Variants in A4GALT observed in about 807,000 individuals in gnomAD.
A4GALT encodes alpha 1,4-galactosyltransferase (P1PK blood group).
For missense variants in A4GALT, 512 were observed against 486.0 expected (o/e 1.05, Z -0.50); for synonymous variants, 257 against 220.7 (o/e 1.16, Z -1.46).
At position 42,701,267 on chromosome 22, in the gene A4GALT, T is replaced by C. The variant is rs58866508; in HGVS notation, c.-187-5636A>G. Among the ~76,000 whole-genome samples the C allele has an allele frequency of 3.1e-3, 473 of 152,214 alleles. 10 individuals are homozygous for C. In the East Asian group the frequency reaches 0.083, roughly 27 times the overall value. Reference sequence around the variant, plus strand: ...CCACGTGCCCACAAGACAGGCCACCTCTCTGAACCTGTCTGTGGACAGGGG... The same window carrying C: ...CCACGTGCCCACAAGACAGGCCACCCCTCTGAACCTGTCTGTGGACAGGGG... On this transcript the variant is annotated intron_variant, in intron 1 of 2. Transcript: ENST00000642412.
chr22:42,693,295 C>T lies in A4GALT; in HGVS notation c.657G>A (p.Ala219=), dbSNP rs1421501077. The T allele has an allele frequency of 3.1e-6, 5 of 1,613,086 alleles. No individual in the cohort carries two copies. Among genetic ancestry groups the T allele is most frequent in the South Asian group, 1.1e-5 (1 of 91,088 alleles). The part of the protein sequence containing the change: ...GTQSRYVLNG[A]FLAFERRHEF... ...CGTGCCGGCGCTCGAAGGCCAGGAA[C>T]GCGCCGTTGAGGACGTAGCGGGACT... The change falls in exon 3 of 3, where the codon GCG becomes GCA. Residue 219 remains alanine, a synonymous_variant. Coordinates refer to ENST00000642412, the MANE Select transcript of A4GALT (RefSeq NM_017436.7).
rs779059446 is a variant in A4GALT, at chr22:42,692,437, G to A, written c.*453C>T. The A allele has an allele frequency of 1.1e-4, 33 of 303,022 alleles. No homozygotes were observed. The highest frequency in any genetic ancestry group is 1.2e-3 in the Middle Eastern group (1 of 862). 18.8% of individuals were successfully genotyped at this position (303,022 alleles called of 1,614,324 possible). On this transcript the variant is annotated 3_prime_UTR_variant, in exon 3 of 3. Transcript: ENST00000642412. This position sits in a 1 kb window ranked among gnomAD's most constrained non-coding sequence, Gnocchi z 4.6. ...ACCAGAAAAGAACAAAGCATCCTCC[G>A]CCCCGGACCCTTGGGGCTGGGTCTC...
At chr22:42,701,807 C>T (rs1325341975) in intron 1 of A4GALT, among the ~76,000 whole-genome samples, 1 of 152,094 alleles carries the variant, frequency 6.6e-6, no homozygotes, top group African/African-American at 2.4e-5. Context: ...AGGTGTGAGC[C>T]AGGAACCGTC....
chr22:42,693,079 G>A lies in A4GALT; in HGVS notation c.873C>T (p.Asp291=). 1 of 1,612,370 alleles carries A rather than the reference G, an allele frequency of 6.2e-7. No homozygotes were observed. Among genetic ancestry groups the A allele is most frequent in the South Asian group, 1.1e-5 (1 of 90,986 alleles). ...TGATGTCCTCAAAGTACTTCTTCCA[G>A]TCCTGCCAGGGGATGGGGTAGAAGG... The part of the protein sequence containing the change: ...PEAFYPIPWQ[D]WKKYFEDINP... The change falls in exon 3 of 3, where the codon GAC becomes GAT. Residue 291 remains aspartate, a synonymous_variant. Coordinates refer to ENST00000642412, the MANE Select transcript of A4GALT (RefSeq NM_017436.7).
intron 1 of A4GALT, among the ~76,000 whole-genome samples, chr22:42,717,297 C>G (rs1922273082): frequency 6.6e-6 from 1 of 152,162 alleles, no homozygotes; most frequent in Admixed American, 6.5e-5. Context: ...ATGTGGACAG[C>G]CTGCTTTGAA....
chr22:42,704,714 C>T (rs1431444516), intron 1 of A4GALT, among the ~76,000 whole-genome samples: 2 of 151,932 alleles, frequency 1.3e-5, no homozygotes, highest in Non-Finnish European at 2.9e-5. Flanking sequence ...AGGAATAAGG[C>T]AGCAGCTTAG....
intron 1 of A4GALT, among the ~76,000 whole-genome samples, chr22:42,707,228 C>G (rs989771146): frequency 1.3e-5 from 2 of 151,846 alleles, no homozygotes; most frequent in Non-Finnish European, 2.9e-5. Context: ...ATATTCAGTC[C>G]AAAGAAAATG....
At position 42,694,009 on chromosome 22, in the gene A4GALT, G is replaced by T; in HGVS notation, c.-46-12C>A. On this transcript the variant is annotated splice_polypyrimidine_tract_variant and intron_variant, in intron 2 of 2. Coordinates refer to ENST00000642412, the MANE Select transcript of A4GALT (RefSeq NM_017436.7). ...AGGAACCGGCTGGTCTGCAAGAGAT[G>T]AGCACCCGCCATCAGGGAGGCCGTT... 1.4e-6 allele frequency: 2 copies of T among 1,455,652 alleles called. No homozygotes were observed. Among genetic ancestry groups the T allele is most frequent in the South Asian group, 2.4e-5 (2 of 82,226 alleles). 90.2% of individuals were successfully genotyped at this position (1,455,652 alleles called of 1,614,324 possible). A position where few individuals can be genotyped will look rare whatever the true frequency, so the allele number is the denominator to read the frequency against.
intron 2 of A4GALT, 156 bp downstream of exon 2, chr22:42,695,335 A>G (rs130394): frequency 0.74 from 112,769 of 152,134 alleles, 42,786 homozygotes; most frequent in African/African-American, 0.91. Flanking sequence ...AAGGGGAGCT[A>G]AGAGTCGGTC....
chr22:42,711,084 T>A (rs1921650773), intron 1 of A4GALT, among the ~76,000 whole-genome samples: 1 of 149,238 alleles, frequency 6.7e-6, no homozygotes, highest in Admixed American at 6.7e-5. Flanking sequence ...ATCACATAAG[T>A]CGAATTTTTC....
chr22:42,705,242 A>C (rs1920983058), intron 1 of A4GALT, among the ~76,000 whole-genome samples: 1 of 152,182 alleles, frequency 6.6e-6, no homozygotes, highest in Non-Finnish European at 1.5e-5. Flanking sequence ...AAAGGCATAA[A>C]ACAAAATGGA....
At position 42,692,793 on chromosome 22, in the gene A4GALT, C is replaced by G; in HGVS notation, c.*97G>C. ...AGCCTGCCTAAGCCCGGTGGCAGCT[C>G]GGGCCTCCCTCTCCCGGGCCCTCAA... On this transcript the variant is annotated 3_prime_UTR_variant, in exon 3 of 3. Transcript: ENST00000642412. The surrounding 1 kb of genome is among the most constrained non-coding windows in gnomAD (Gnocchi z 4.6). 2.1e-6 allele frequency: 3 copies of G among 1,460,312 alleles called. No individual in the cohort carries two copies. The highest frequency in any genetic ancestry group is 2.8e-6 in the Non-Finnish European group (3 of 1,064,842). The allele number at this position is 1,460,312 out of a possible 1,614,324, so 90.5% of individuals were successfully genotyped here.
intron 1 of A4GALT, among the ~76,000 whole-genome samples, chr22:42,708,120 G>GCT (rs1921319513): frequency 1.3e-5 from 2 of 151,698 alleles, no homozygotes. Flanking sequence ...GGGTGTGGTG[G>GCT]CACCTACCTG....
chr22:42,706,072 T>A (rs1265044067), intron 1 of A4GALT, among the ~76,000 whole-genome samples: 5 of 68,376 alleles, frequency 7.3e-5, no homozygotes, highest in South Asian at 5.3e-4. Flanking sequence ...AAAAAAAAAG[T>A]TGGCCGGGTG....
At chr22:42,699,668 C>T (rs1308839948) in intron 1 of A4GALT, among the ~76,000 whole-genome samples, 2 of 152,194 alleles carry the variant, frequency 1.3e-5, no homozygotes, top group Non-Finnish European at 2.9e-5. Flanking sequence ...CCACAGGGGC[C>T]TCGGCCAGTC....
At chr22:42,704,020 C>A (rs1920949732) in intron 1 of A4GALT, among the ~76,000 whole-genome samples, 1 of 152,122 alleles carries the variant, frequency 6.6e-6, no homozygotes, top group Admixed American at 6.6e-5. Flanking sequence ...GAACTCAGAC[C>A]CCCCTTGATG....
chr22:42,699,801 A>G (rs1931178789), intron 1 of A4GALT, among the ~76,000 whole-genome samples: 1 of 151,914 alleles, frequency 6.6e-6, no homozygotes, highest in South Asian at 2.1e-4. Flanking sequence ...ATTAAACGTT[A>G]CTCCTGGGTG....
At chr22:42,706,180 C>T (rs1380905985) in intron 1 of A4GALT, among the ~76,000 whole-genome samples, 2 of 133,048 alleles carry the variant, frequency 1.5e-5, no homozygotes, top group Non-Finnish European at 3.3e-5. Context: ...ACGGTGAAAC[C>T]CCGTCTCTAC....
rs760980696 is a variant in A4GALT, at chr22:42,693,923, C to G, written c.29G>C (p.Arg10Pro). 1.9e-6 allele frequency: 3 copies of G among 1,602,402 alleles called. No homozygotes were observed. The highest frequency in any genetic ancestry group is 2.6e-6 in the Non-Finnish European group (3 of 1,175,158). MSKPPDLLL[R>P]LLRGAPRQRV... ...CTGCCTTGGGGCGCCCCGGAGCAGC[C>G]GCAGCAGGAGGTCGGGGGGCTTGGA... Residue 10 changes from arginine (R) to proline (P), a missense_variant, in exon 3 of 3, where the codon CGG becomes CCG. Coordinates refer to ENST00000642412, the MANE Select transcript of A4GALT (RefSeq NM_017436.7).
Sources: gnomAD v4.1 joint callset for allele counts (sites outside exome capture counted in the v4.1 genomes callset) on GRCh38, gnomAD v4.1.1 for gene constraint, Gnocchi (gnomAD v3.1) non-coding constraint, MANE v1.5 for transcripts, NCBI Gene and HGNC (gene_info 2026-07-23, HGNC 2026-07-21) for gene names.